Variants in HBS1L observed in about 807,000 individuals in gnomAD.
HBS1L encodes the protein HBS1-like protein.
A neutral mutation model predicts 88.9 loss-of-function variants in HBS1L; 55 were observed. The observed-to-expected ratio is 0.62, with a 90% CI of 0.50 to 0.77. HBS1L has a LOEUF of 0.77. Ranked by LOEUF, HBS1L falls within the 30% of genes least tolerant of loss-of-function variation. The pLI, the probability that HBS1L is intolerant of heterozygous loss-of-function variation, is 0.00. For synonymous variants in HBS1L, 267 were observed against 288.5 expected (o/e 0.93, Z 0.76); for missense variants, 741 against 829.3 (o/e 0.89, Z 1.31).
chr6:135,002,923 T>C, intron 4 of HBS1L, 81 bp from the exon 5 acceptor site: 1 of 774,708 alleles, frequency 1.3e-6, no homozygotes. Flanking sequence ...TTTTAAATTA[T>C]AGATTATGAT....
chr6:135,029,223 A>G (rs1776319647), intron 4 of HBS1L, among the ~76,000 whole-genome samples: 1 of 152,130 alleles, frequency 6.6e-6, no homozygotes, highest in Admixed American at 6.5e-5. Context: ...AAAAGCTAAT[A>G]AATCTGAATA....
intron 2 of HBS1L, among the ~76,000 whole-genome samples, chr6:135,043,125 T>A (rs965291823): frequency 1.3e-5 from 2 of 152,204 alleles, no homozygotes; most frequent in African/African-American, 4.8e-5. Context: ...GTATCATAAA[T>A]GAAATACAAG....
intron 2 of HBS1L, among the ~76,000 whole-genome samples, chr6:135,049,274 T>C (rs760880620): frequency 6.6e-6 from 1 of 152,010 alleles, no homozygotes; most frequent in African/African-American, 2.4e-5. Flanking sequence ...AGGGAAAGAG[T>C]TCTCCTTGGG....
intron 2 of HBS1L, 26 bp downstream of exon 2, chr6:135,050,556 G>A: frequency 6.8e-7 from 1 of 1,472,656 alleles, no homozygotes; most frequent in South Asian, 1.2e-5. Context: ...CAAATCTAAG[G>A]AATCAAATTA....
At chr6:134,980,628 T>G (rs1214374667) in intron 13 of HBS1L, among the ~76,000 whole-genome samples, 1 of 151,968 alleles carries the variant, frequency 6.6e-6, no homozygotes, top group Non-Finnish European at 1.5e-5. Flanking sequence ...TATTCTCTGG[T>G]TCTTCTTCCC....
intron 12 of HBS1L, chr6:134,982,830 A>G (rs1774871070): frequency 4.3e-6 from 1 of 231,912 alleles, no homozygotes; most frequent in Non-Finnish European, 8.3e-6. Context: ...GTAGTACCAG[A>G]TATTATACTA....
intron 4 of HBS1L, among the ~76,000 whole-genome samples, chr6:135,023,542 TTTAACAGATTA>T (rs149831265): frequency 0.073 from 11,088 of 152,182 alleles, 805 homozygotes; most frequent in East Asian, 0.27. Context: ...CTATGTAAAG[TTTAACAGATTA>T]TTAACACTAT....
At position 135,034,530 on chromosome 6, in the gene HBS1L, G is replaced by A. The variant is rs983700271; in HGVS notation, c.430+5043C>T. 6.6e-5 allele frequency among the ~76,000 whole-genome samples: 10 copies of A among 152,300 alleles called. No homozygotes were observed. In the East Asian group the frequency reaches 1.9e-3, roughly 29 times the overall value. On this transcript the variant is annotated intron_variant, in intron 4 of 17. Coordinates refer to ENST00000367837, the MANE Select transcript of HBS1L (RefSeq NM_006620.4). ...GTGGTGACACGCACCTGTAATCCCA[G>A]CTACTCGGGGGGCTGACACAGGAGA...
intron 4 of HBS1L, among the ~76,000 whole-genome samples, chr6:135,032,815 A>C (rs1776425424): frequency 6.6e-6 from 1 of 152,224 alleles, no homozygotes; most frequent in African/African-American, 2.4e-5. Flanking sequence ...ACTAAATATA[A>C]AACACTGACT....
At chr6:134,998,747 G>A (rs1417990181) in intron 5 of HBS1L, among the ~76,000 whole-genome samples, 1 of 152,002 alleles carries the variant, frequency 6.6e-6, no homozygotes, top group Admixed American at 6.5e-5. Flanking sequence ...TTCACAATAC[G>A]CCTCAGGAAA....
rs113992963 is a variant in HBS1L, at chr6:134,969,374, C to T, written c.1798-36G>A. 781 of 1,253,512 alleles carry T rather than the reference C, an allele frequency of 6.2e-4. 6 individuals are homozygous for T. Among genetic ancestry groups the T allele is most frequent in the African/African-American group, 4.5e-3 (303 of 67,852 alleles). The allele number at this position is 1,253,512 out of a possible 1,614,324, so 77.6% of individuals were successfully genotyped here. A position where few individuals can be genotyped will look rare whatever the true frequency, so the allele number is the denominator to read the frequency against. ...AAATTATAACACTAAAAATCTGCTA[C>T]CACAGTATCTCTGGCCTTTTCTTTT... On this transcript the variant is annotated intron_variant, in intron 15 of 17. Coordinates refer to ENST00000367837, the MANE Select transcript of HBS1L (RefSeq NM_006620.4).
chr6:134,982,600 A>G (rs757670640), intron 12 of HBS1L, 38 bp from the exon 13 acceptor site: 2 of 1,128,676 alleles, frequency 1.8e-6, no homozygotes, highest in Non-Finnish European at 2.7e-6. Flanking sequence ...TCATACAGCA[A>G]TGTTATCTGA....
chr6:135,010,738 C>G (rs1775751753), intron 4 of HBS1L, among the ~76,000 whole-genome samples: 1 of 151,914 alleles, frequency 6.6e-6, no homozygotes, highest in African/African-American at 2.4e-5. Context: ...GGGGAAAATG[C>G]CAAGTTGATG....
chr6:134,995,858 C>G (rs1775274952), intron 7 of HBS1L, among the ~76,000 whole-genome samples: 1 of 151,968 alleles, frequency 6.6e-6, no homozygotes, highest in Admixed American at 6.6e-5. Context: ...CATTATGATA[C>G]AAATTCTGGT....
chr6:135,019,166 G>C (rs1217558880), intron 4 of HBS1L, among the ~76,000 whole-genome samples: 1 of 151,882 alleles, frequency 6.6e-6, no homozygotes, highest in African/African-American at 2.4e-5. Context: ...CTGTGGCATA[G>C]TGTTAAGTAA....
At chr6:135,037,543 A>G (rs1776594399) in intron 4 of HBS1L, 3 of 1,550,704 alleles carry the variant, frequency 1.9e-6, no homozygotes, top group Non-Finnish European at 2.6e-6. Context: ...AAAATCAGAC[A>G]GTGAATTATT....
rs901484322 is a variant in HBS1L, at chr6:134,960,649, T to C, written c.*4630A>G. 1 of 152,190 alleles carries C rather than the reference T, an allele frequency of 6.6e-6. No homozygotes were observed. The highest frequency in any genetic ancestry group is 2.4e-5 in the African/African-American group (1 of 41,446). 9.4% of individuals were successfully genotyped at this position (152,190 alleles called of 1,614,324 possible). On this transcript the variant is annotated 3_prime_UTR_variant, in exon 18 of 18. Coordinates refer to ENST00000367837, the MANE Select transcript of HBS1L (RefSeq NM_006620.4). ...ACTCCTGATTTCTGGAGAGGCAGTG[T>C]AGTGTCTCTGAACATGCCTCAGTCA...
At chr6:134,980,990 GGGGCTTCTGATAAGACTT>G (rs1774814141) in intron 13 of HBS1L, among the ~76,000 whole-genome samples, 1 of 151,804 alleles carries the variant, frequency 6.6e-6, no homozygotes, top group African/African-American at 2.4e-5. Flanking sequence ...GTTCTTCCCT[GGGGCTTCTGATAAGACTT>G]ACACTGATAA....
intron 4 of HBS1L, among the ~76,000 whole-genome samples, chr6:135,017,584 A>G (rs1775956977): frequency 6.6e-6 from 1 of 152,078 alleles, no homozygotes. Context: ...TTCTGAATCA[A>G]ATTGAAATCT....
Sources: gnomAD v4.1 joint callset for allele counts (sites outside exome capture counted in the v4.1 genomes callset) on GRCh38, gnomAD v4.1.1 for gene constraint, MANE v1.5 for transcripts, NCBI Gene and HGNC (gene_info 2026-07-23, HGNC 2026-07-21) for gene names.